Variants in FHIT observed in about 807,000 individuals in gnomAD.
FHIT encodes the protein bis(5'-adenosyl)-triphosphatase.
In FHIT, 19 loss-of-function variants were observed where a neutral mutation model predicts 17.9. That is an observed-to-expected ratio of 1.06 (90% confidence interval 0.74 to 1.56). The LOEUF is 1.56. FHIT is among the 40% of genes most tolerant of loss of function. FHIT has a pLI of 0.00. For synonymous variants in FHIT, 81 were observed against 69.7 expected (o/e 1.16, Z -0.81); for missense variants, 248 against 189.2 (o/e 1.31, Z -1.82).
chr3:60,449,234 G>A (rs1472332065), intron 5 of FHIT, among the ~76,000 whole-genome samples: 1 of 152,162 alleles, frequency 6.6e-6, no homozygotes, highest in African/African-American at 2.4e-5. Flanking sequence ...AGACAGGAAA[G>A]AGAACCAGTG....
chr3:60,479,391 G>A (rs957384114), intron 5 of FHIT, among the ~76,000 whole-genome samples: 9 of 152,112 alleles, frequency 5.9e-5, no homozygotes, highest in South Asian at 2.1e-4. Flanking sequence ...CATGCACCAC[G>A]TAATGACATT....
chr3:60,721,944 A>G lies in FHIT; in HGVS notation c.-18+99975T>C, dbSNP rs561179670. Among the ~76,000 whole-genome samples, 5 of 152,300 alleles carry G rather than the reference A, an allele frequency of 3.3e-5. No individual in the cohort carries two copies. The South Asian group carries it at 6.2e-4, about 19-fold the overall frequency. ...ATGCTTAATAGTTCAAATTAATTCA[A>G]TCTGATGGTGTTAGACATACCAGTT... On this transcript the variant is annotated intron_variant, in intron 4 of 9. Coordinates refer to ENST00000492590, the MANE Select transcript of FHIT (RefSeq NM_002012.4).
chr3:60,194,167 C>T (rs567668515), intron 5 of FHIT, among the ~76,000 whole-genome samples: 1 of 152,172 alleles, frequency 6.6e-6, no homozygotes, highest in Non-Finnish European at 1.5e-5. Flanking sequence ...AGAGGCAACA[C>T]ATTGCCTGAC....
intron 3 of FHIT, among the ~76,000 whole-genome samples, chr3:61,040,233 C>T (rs936351322): frequency 6.6e-6 from 1 of 152,218 alleles, no homozygotes; most frequent in Non-Finnish European, 1.5e-5. Flanking sequence ...ACAATAAACA[C>T]ATACCAGCAT....
intron 5 of FHIT, among the ~76,000 whole-genome samples, chr3:60,394,137 G>T (rs1051651268): frequency 1.3e-5 from 2 of 152,110 alleles, no homozygotes; most frequent in African/African-American, 4.8e-5. Context: ...AACACTGAAT[G>T]TACTGGTTTG....
intron 3 of FHIT, among the ~76,000 whole-genome samples, chr3:61,036,894 C>CTT: frequency 1.2e-5 from 1 of 85,988 alleles, no homozygotes; most frequent in Non-Finnish European, 2.9e-5. Context: ...AAAGATCAGT[C>CTT]TGCTTTGTTT....
chr3:60,830,971 G>A (rs2106815649), intron 3 of FHIT, among the ~76,000 whole-genome samples: 1 of 152,288 alleles, frequency 6.6e-6, no homozygotes, highest in South Asian at 2.1e-4. Context: ...TAAATACTGT[G>A]CAGCTTGCTT....
intron 3 of FHIT, among the ~76,000 whole-genome samples, chr3:61,003,096 T>C (rs917988781): frequency 5.3e-5 from 8 of 152,200 alleles, no homozygotes; most frequent in African/African-American, 1.9e-4. Flanking sequence ...GATATAAAAT[T>C]AAAACTAAAG....
intron 2 of FHIT, among the ~76,000 whole-genome samples, chr3:61,186,187 G>T (rs899214237): frequency 1.3e-5 from 2 of 152,130 alleles, no homozygotes; most frequent in Non-Finnish European, 2.9e-5. Context: ...ACATCACTGG[G>T]ACTCTTCCAG....
At chr3:60,438,545 ACT>A (rs1284537507) in intron 5 of FHIT, among the ~76,000 whole-genome samples, 1 of 152,012 alleles carries the variant, frequency 6.6e-6, no homozygotes, top group Non-Finnish European at 1.5e-5. Flanking sequence ...GCAGTAAATG[ACT>A]CTGTGCTGCA....
At chr3:60,256,062 T>C (rs901461066) in intron 5 of FHIT, among the ~76,000 whole-genome samples, 9 of 152,162 alleles carry the variant, frequency 5.9e-5, no homozygotes, top group African/African-American at 2.2e-4. Context: ...GGCCCACCTT[T>C]ATACCTATGT....
intron 5 of FHIT, among the ~76,000 whole-genome samples, chr3:60,190,867 C>T (rs890456620): frequency 6.6e-6 from 1 of 151,928 alleles, no homozygotes; most frequent in East Asian, 1.9e-4. Flanking sequence ...CCCTTGAATC[C>T]GGGAGGTGGA....
chr3:60,040,088 C>A (rs184131903), intron 5 of FHIT, among the ~76,000 whole-genome samples: 1 of 152,288 alleles, frequency 6.6e-6, no homozygotes, highest in East Asian at 1.9e-4. Context: ...ACATGTCCAA[C>A]AAAGATAGTG....
intron 4 of FHIT, among the ~76,000 whole-genome samples, chr3:60,547,124 CA>C (rs1228798115): frequency 1.3e-5 from 2 of 152,148 alleles, no homozygotes; most frequent in African/African-American, 4.8e-5. Flanking sequence ...ACTTTCCTTT[CA>C]CATAAAAATG....
chr3:60,348,634 A>G (rs962383800), intron 5 of FHIT, among the ~76,000 whole-genome samples: 6 of 151,968 alleles, frequency 3.9e-5, no homozygotes, highest in Non-Finnish European at 8.8e-5. Context: ...CACCTAGACC[A>G]CAGCTCTTGT....
chr3:60,220,895 A>C (rs942541584), intron 5 of FHIT, among the ~76,000 whole-genome samples: 4 of 152,184 alleles, frequency 2.6e-5, no homozygotes, highest in African/African-American at 7.2e-5. Context: ...GCCTTTCTGC[A>C]TACAGAGAAA....
intron 4 of FHIT, among the ~76,000 whole-genome samples, chr3:60,694,496 G>A (rs1255240395): frequency 6.6e-6 from 1 of 152,198 alleles, no homozygotes; most frequent in Non-Finnish European, 1.5e-5. Context: ...CATTGTGGAA[G>A]TCAGTGTGGC....
intron 7 of FHIT, among the ~76,000 whole-genome samples, chr3:59,931,755 G>C (rs1705981874): frequency 6.6e-6 from 1 of 152,182 alleles, no homozygotes; most frequent in African/African-American, 2.4e-5. Context: ...CTTAACAATT[G>C]TGTTTTTAAG....
intron 3 of FHIT, among the ~76,000 whole-genome samples, chr3:61,003,713 G>A (rs971312385): frequency 1.3e-5 from 2 of 152,168 alleles, no homozygotes; most frequent in Non-Finnish European, 2.9e-5. Context: ...AAAGTCCAAA[G>A]AGAAGAAAAA....
Sources: gnomAD v4.1 joint callset for allele counts (sites outside exome capture counted in the v4.1 genomes callset) on GRCh38, gnomAD v4.1.1 for gene constraint, MANE v1.5 for transcripts, NCBI Gene and HGNC (gene_info 2026-07-23, HGNC 2026-07-21) for gene names.